Variants in TBC1D32 observed in about 807,000 individuals in gnomAD.
TBC1D32 encodes the protein protein broad-minded.
Under a neutral mutation model 170.3 loss-of-function variants are expected in TBC1D32, and 151 were observed. That is an observed-to-expected ratio of 0.89 (90% confidence interval 0.78 to 1.01). The LOEUF (loss-of-function observed/expected upper bound fraction) is 1.01, where lower values mean the gene tolerates loss of function less well. Ranked by LOEUF, TBC1D32 falls within the 50% of genes least tolerant of loss-of-function variation. The pLI, the probability that TBC1D32 is intolerant of heterozygous loss-of-function variation, is 0.00. For synonymous variants in TBC1D32, 498 were observed against 488.0 expected (o/e 1.02, Z -0.27); for missense variants, 1,464 against 1,457.1 (o/e 1.00, Z -0.08).
chr6:121,129,997 A>G, intron 25 of TBC1D32: 1 of 408,184 alleles, frequency 2.4e-6, no homozygotes, highest in Non-Finnish European at 4.7e-6. Flanking sequence ...AATATAACCA[A>G]AGGTAAATTA....
chr6:121,190,163 C>T (rs930365758), intron 22 of TBC1D32, among the ~76,000 whole-genome samples: 1 of 144,150 alleles, frequency 6.9e-6, no homozygotes, highest in East Asian at 2.1e-4. Context: ...CCCTCCTTAC[C>T]TCTCCTTCCC....
intron 1 of TBC1D32, among the ~76,000 whole-genome samples, chr6:121,328,435 G>A (rs180830488): frequency 4.0e-5 from 6 of 151,544 alleles, no homozygotes; most frequent in East Asian, 2.0e-4. Context: ...ACAGATGCCC[G>A]CCACCACACC....
chr6:121,088,638 C>T (rs111322031), intron 31 of TBC1D32, among the ~76,000 whole-genome samples: 348 of 152,094 alleles, frequency 2.3e-3, no homozygotes, highest in Non-Finnish European at 3.7e-3. Flanking sequence ...ATTTTGACAC[C>T]TACCCACTGA....
intron 20 of TBC1D32, among the ~76,000 whole-genome samples, chr6:121,237,868 AT>A (rs1186782555): frequency 6.6e-6 from 1 of 151,994 alleles, no homozygotes; most frequent in African/African-American, 2.4e-5. Context: ...TCACATTTCC[AT>A]TTTCCTTCAT....
chr6:121,088,337 A>G (rs907731357), intron 31 of TBC1D32, among the ~76,000 whole-genome samples: 3 of 152,184 alleles, frequency 2.0e-5, no homozygotes, highest in African/African-American at 7.2e-5. Context: ...CATAATTTCC[A>G]AGGTTCAATC....
intron 24 of TBC1D32, among the ~76,000 whole-genome samples, chr6:121,156,604 T>C (rs1225430900): frequency 6.6e-6 from 1 of 152,076 alleles, no homozygotes; most frequent in Non-Finnish European, 1.5e-5. Context: ...AGGTATGATG[T>C]TAGATCATTA....
intron 29 of TBC1D32, among the ~76,000 whole-genome samples, chr6:121,112,233 GAT>G (rs1054934144): frequency 3.3e-5 from 5 of 152,094 alleles, no homozygotes; most frequent in African/African-American, 1.2e-4. Context: ...GAATTTAACT[GAT>G]ATAACTATCA....
At chr6:121,161,306 A>C (rs1281924745) in intron 22 of TBC1D32, among the ~76,000 whole-genome samples, 2 of 151,098 alleles carry the variant, frequency 1.3e-5, no homozygotes. Context: ...CCCAGGTATT[A>C]AGCCCAGCAT....
At chr6:121,327,563 G>A (rs1352123155) in intron 1 of TBC1D32, among the ~76,000 whole-genome samples, 1 of 152,178 alleles carries the variant, frequency 6.6e-6, no homozygotes. Flanking sequence ...ATCCCAGGGA[G>A]TGCAAACTCA....
chr6:121,292,321 T>C, intron 11 of TBC1D32, 128 bp from the exon 12 acceptor site: 2 of 932,310 alleles, frequency 2.1e-6, no homozygotes, highest in Non-Finnish European at 3.1e-6. Flanking sequence ...CAAAAATTTT[T>C]TAATTATTTG....
At chr6:121,246,288 A>C (rs1282012527) in intron 17 of TBC1D32, among the ~76,000 whole-genome samples, 4 of 152,098 alleles carry the variant, frequency 2.6e-5, no homozygotes, top group Non-Finnish European at 4.4e-5. Flanking sequence ...AACTAAAGAA[A>C]TCACACCGAC....
chr6:121,258,246 T>G (rs917427790), intron 15 of TBC1D32, among the ~76,000 whole-genome samples: 18 of 152,170 alleles, frequency 1.2e-4, no homozygotes, highest in African/African-American at 4.3e-4. Context: ...ATACACTAAA[T>G]GCAGTTTAAG....
At chr6:121,226,145 G>A (rs991156150) in intron 20 of TBC1D32, among the ~76,000 whole-genome samples, 4 of 152,084 alleles carry the variant, frequency 2.6e-5, no homozygotes, top group African/African-American at 9.7e-5. Flanking sequence ...AAATATTGTA[G>A]TGCCAGCTGC....
Position 121,119,763 on chromosome 6 carries a change from C to A in TBC1D32, c.2984-4522G>T, listed in dbSNP as rs115042753. On this transcript the variant is annotated intron_variant, in intron 26 of 31. Transcript: ENST00000398212. Reference sequence around the variant, plus strand: ...TTCTTTAAAGGGATAAACAGCCAAACTAATTTGATTTTTCCAGATTTGCAA... The same window carrying A: ...TTCTTTAAAGGGATAAACAGCCAAAATAATTTGATTTTTCCAGATTTGCAA... Among the ~76,000 whole-genome samples, 1,511 of 152,186 alleles carry A rather than the reference C, an allele frequency of 9.9e-3. 21 individuals are homozygous for A. The highest frequency in any genetic ancestry group is 0.034 in the African/African-American group (1,420 of 41,524).
intron 24 of TBC1D32, among the ~76,000 whole-genome samples, chr6:121,157,646 C>A (rs956834476): frequency 6.6e-6 from 1 of 152,026 alleles, no homozygotes; most frequent in African/African-American, 2.4e-5. Context: ...AGGTTTTGAT[C>A]TTCCATTTCC....
Position 121,321,455 on chromosome 6 carries a change from A to G in TBC1D32, c.317+178T>C, listed in dbSNP as rs527740058. ...AAAAGAATTCTGGGTTTTACTCAAA[A>G]GGAGATGCGAAGCCTTTGGAGAGTC... On this transcript the variant is annotated intron_variant, in intron 2 of 31. Transcript: ENST00000398212. Among the ~76,000 whole-genome samples the G allele has an allele frequency of 3.9e-5, 6 of 152,324 alleles. No homozygotes were observed. In the South Asian group the frequency reaches 1.2e-3, roughly 32 times the overall value.
chr6:121,288,253 T>C (rs1804213800), intron 12 of TBC1D32, among the ~76,000 whole-genome samples: 1 of 151,942 alleles, frequency 6.6e-6, no homozygotes, highest in African/African-American at 2.4e-5. Flanking sequence ...GATAAACTGC[T>C]AACAAGACTA....
At chr6:121,256,318 T>C in intron 15 of TBC1D32, 33 bp from the exon 16 acceptor site, 1 of 1,555,754 alleles carries the variant, frequency 6.4e-7, no homozygotes, top group Non-Finnish European at 8.8e-7. Context: ...GATTCCAAGG[T>C]TATATTAATC....
intron 12 of TBC1D32, among the ~76,000 whole-genome samples, chr6:121,290,207 T>A (rs1323767047): frequency 6.6e-6 from 1 of 152,060 alleles, no homozygotes. Flanking sequence ...TCAGAGTCAA[T>A]GGGCAACCTA....
Sources: allele counts gnomAD v4.1 joint callset (sites outside exome capture counted in the v4.1 genomes callset), GRCh38; gene constraint gnomAD v4.1.1; transcripts MANE v1.5; gene names NCBI Gene and HGNC (gene_info 2026-07-23, HGNC 2026-07-21).